CMTM8: variants seen among roughly 807,000 people sequenced by gnomAD.
CMTM8 encodes the protein CKLF-like MARVEL transmembrane domain-containing protein 8.
A neutral mutation model predicts 18.6 loss-of-function variants in CMTM8; 12 were observed. That is an observed-to-expected ratio of 0.65 (90% CI 0.41 to 1.05). The LOEUF is 1.05. Among genes scored for constraint, CMTM8 ranks in the 50% least tolerant of loss-of-function variants. The pLI is 0.00. For missense variants in CMTM8, 217 were observed against 227.2 expected (o/e 0.95, Z 0.29); for synonymous variants, 87 against 90.6 (o/e 0.96, Z 0.23).
At chr3:32,328,251 C>T (rs955066794) in intron 1 of CMTM8, among the ~76,000 whole-genome samples, 2 of 151,396 alleles carry the variant, frequency 1.3e-5, no homozygotes, top group Non-Finnish European at 2.9e-5. Context: ...GTGGCACACA[C>T]CTGTAATCCC....
At chr3:32,315,333 T>C (rs1042688672) in intron 1 of CMTM8, among the ~76,000 whole-genome samples, 12 of 152,116 alleles carry the variant, frequency 7.9e-5, no homozygotes, top group Non-Finnish European at 1.8e-4. Context: ...TTTTACCATG[T>C]TGGCCAGGCT....
At chr3:32,335,173 G>T (rs1696362414) in intron 1 of CMTM8, among the ~76,000 whole-genome samples, 2 of 152,330 alleles carry the variant, frequency 1.3e-5, no homozygotes, top group South Asian at 4.1e-4. Flanking sequence ...TGGAAGGAAG[G>T]ATCTGGCTTG....
At chr3:32,308,873 T>C (rs753470946) in intron 1 of CMTM8, among the ~76,000 whole-genome samples, 17 of 152,064 alleles carry the variant, frequency 1.1e-4, no homozygotes, top group Non-Finnish European at 2.4e-4. Context: ...AACTCAGAAT[T>C]TGGGGTCACA....
intron 1 of CMTM8, among the ~76,000 whole-genome samples, chr3:32,248,641 G>A (rs942398758): frequency 2.0e-5 from 3 of 151,982 alleles, no homozygotes; most frequent in Admixed American, 1.3e-4. Context: ...TGGGATTACA[G>A]GCATGAGCCA....
chr3:32,298,845 GTGTATATACACACACACATA>G (rs1183384208), intron 1 of CMTM8, among the ~76,000 whole-genome samples: 1 of 132,146 alleles, frequency 7.6e-6, no homozygotes, highest in Admixed American at 7.7e-5. Flanking sequence ...ATATGTGTGT[GTGTATATACACACACACATA>G]TATATACACA....
intron 1 of CMTM8, among the ~76,000 whole-genome samples, chr3:32,349,269 A>T (rs1339457697): frequency 2.6e-5 from 4 of 151,992 alleles, no homozygotes; most frequent in Non-Finnish European, 5.9e-5. Flanking sequence ...TGAACCTTGA[A>T]CTTCATTGAA....
rs1701903322 is a variant in CMTM8, at chr3:32,238,785, G to A, written c.-188G>A. On this transcript the variant is annotated 5_prime_UTR_variant, in exon 1 of 4. Coordinates refer to ENST00000307526, the MANE Select transcript of CMTM8 (RefSeq NM_178868.5). ...GAGCCCGCGCACCGAGGCGCTAGGGGCACCGCGCACTAGAGGGACACCCGC... is the reference window on the plus strand; with the variant it reads ...GAGCCCGCGCACCGAGGCGCTAGGGACACCGCGCACTAGAGGGACACCCGC... 8.7e-6 allele frequency: 3 copies of A among 343,526 alleles called. No individual in the cohort carries two copies. The highest frequency in any genetic ancestry group is 1.5e-5 in the Non-Finnish European group (3 of 195,040). 21.3% of individuals were successfully genotyped at this position (343,526 alleles called of 1,614,324 possible). A position where few individuals can be genotyped will look rare whatever the true frequency, so the allele number is the denominator to read the frequency against.
chr3:32,301,451 C>G (rs1405029811), intron 1 of CMTM8, among the ~76,000 whole-genome samples: 1 of 151,778 alleles, frequency 6.6e-6, no homozygotes, highest in Admixed American at 6.6e-5. Flanking sequence ...AAACTAGAAA[C>G]AGGGCAATTA....
At chr3:32,241,714 C>A (rs1417366403) in intron 1 of CMTM8, among the ~76,000 whole-genome samples, 1 of 152,214 alleles carries the variant, frequency 6.6e-6, no homozygotes, top group Non-Finnish European at 1.5e-5. Context: ...AGTCAAGGGG[C>A]ATCTGTATAG....
intron 1 of CMTM8, among the ~76,000 whole-genome samples, chr3:32,352,978 T>G (rs139011333): frequency 6.6e-6 from 1 of 151,604 alleles, no homozygotes; most frequent in East Asian, 1.9e-4. Flanking sequence ...TAAACTAAGG[T>G]TTTTTGTTTG....
chr3:32,261,293 CTG>C (rs1188283225), intron 1 of CMTM8, among the ~76,000 whole-genome samples: 1 of 152,114 alleles, frequency 6.6e-6, no homozygotes, highest in African/African-American at 2.4e-5. Context: ...GTGCCAGAAT[CTG>C]TGTCTAGCCC....
In CMTM8 at chr3:32,339,762, G is replaced by T. The variant is rs904084529; in HGVS notation, c.148-17611G>T. Among the ~76,000 whole-genome samples, 31 of 152,142 alleles carry T rather than the reference G, an allele frequency of 2.0e-4. 2 individuals carry two copies. The highest frequency in any genetic ancestry group is 1.5e-5 in the Non-Finnish European group (1 of 68,022). On this transcript the variant is annotated intron_variant, in intron 1 of 3. Coordinates refer to ENST00000307526, the MANE Select transcript of CMTM8 (RefSeq NM_178868.5). ...GCGGATCATGAGGTCAGGAGATCAA[G>T]ACCATCCTGGCTAACACAGAGAAAC...
chr3:32,321,086 A>G (rs1696037939), intron 1 of CMTM8, among the ~76,000 whole-genome samples: 1 of 152,102 alleles, frequency 6.6e-6, no homozygotes, highest in South Asian at 2.1e-4. Context: ...GTTATCAGCT[A>G]AAGACAGGCC....
intron 1 of CMTM8, among the ~76,000 whole-genome samples, chr3:32,288,038 C>T (rs1167999460): frequency 2.0e-5 from 3 of 152,128 alleles, no homozygotes; most frequent in Non-Finnish European, 4.4e-5. Context: ...TGTTTTATTA[C>T]GGATCATAAA....
intron 1 of CMTM8, among the ~76,000 whole-genome samples, chr3:32,312,126 G>A (rs540372224): frequency 1.3e-4 from 20 of 152,120 alleles, no homozygotes; most frequent in African/African-American, 3.9e-4. Flanking sequence ...GCATTGTTAC[G>A]TTAATTTATA....
chr3:32,326,403 G>T (rs1409035664), intron 1 of CMTM8, among the ~76,000 whole-genome samples: 1 of 151,930 alleles, frequency 6.6e-6, no homozygotes, highest in Non-Finnish European at 1.5e-5. Context: ...CCAAAGTGTT[G>T]CTAACTCTAT....
At chr3:32,302,908 A>T (rs184317089) in intron 1 of CMTM8, among the ~76,000 whole-genome samples, 1 of 152,290 alleles carries the variant, frequency 6.6e-6, no homozygotes, top group African/African-American at 2.4e-5. Flanking sequence ...GGGGCATTAG[A>T]TGTAGAACTT....
At chr3:32,327,059 A>T (rs556414474) in intron 1 of CMTM8, among the ~76,000 whole-genome samples, 2 of 151,776 alleles carry the variant, frequency 1.3e-5, no homozygotes, top group Admixed American at 6.6e-5. Context: ...TGGCTTCCTT[A>T]GTTGTCCTGG....
chr3:32,367,830 C>A (rs770598535), intron 2 of CMTM8, 42 bp from the exon 3 acceptor site: 6 of 1,355,878 alleles, frequency 4.4e-6, no homozygotes, highest in Admixed American at 1.7e-5. Flanking sequence ...GGTATGCAGA[C>A]CCTCCCCTCT....
Sources: allele counts gnomAD v4.1 joint callset (sites outside exome capture counted in the v4.1 genomes callset), GRCh38; gene constraint gnomAD v4.1.1; transcripts MANE v1.5; gene names NCBI Gene and HGNC (gene_info 2026-07-23, HGNC 2026-07-21).